Variants in BMPR1B observed in about 807,000 individuals in gnomAD.
The protein encoded by BMPR1B is bone morphogenetic protein receptor type 1B.
In BMPR1B, 12 loss-of-function variants were observed where a neutral mutation model predicts 59.1. The observed-to-expected ratio is 0.20, with a 90% confidence interval of 0.13 to 0.33. The LOEUF is 0.33. Ranked by LOEUF, BMPR1B falls within the 10% of genes least tolerant of loss-of-function variation. The probability of loss-of-function intolerance (pLI) is 1.00; values close to 1 mark genes in which losing one functional copy is unlikely to be tolerated. For missense variants in BMPR1B, 550 were observed against 610.9 expected, an observed-to-expected ratio of 0.90 and a Z score of 1.05; for synonymous variants, 237 against 207.3, an observed-to-expected ratio of 1.14 and a Z score of -1.23.
chr4:95,030,071 G>T (rs1724715503), intron 3 of BMPR1B, among the ~76,000 whole-genome samples: 1 of 151,538 alleles, frequency 6.6e-6, no homozygotes, highest in East Asian at 1.9e-4. Flanking sequence ...TAGGTTGCCT[G>T]TTCACTCTGA....
intron 11 of BMPR1B, among the ~76,000 whole-genome samples, chr4:95,150,582 A>T (rs568653061): frequency 1.3e-5 from 2 of 152,342 alleles, no homozygotes; most frequent in Non-Finnish European, 2.9e-5. Context: ...TTTCTTGAAC[A>T]TCTAAAACAA....
At chr4:94,994,279 A>G (rs985995262) in intron 2 of BMPR1B, among the ~76,000 whole-genome samples, 1 of 152,136 alleles carries the variant, frequency 6.6e-6, no homozygotes, top group African/African-American at 2.4e-5. Flanking sequence ...TCTGTCTTAC[A>G]CTCTAAGCTC....
intron 6 of BMPR1B, among the ~76,000 whole-genome samples, chr4:95,116,414 A>AGCGCGCACGCGCGCGCGCGC (rs1553939717): frequency 2.7e-5 from 2 of 74,258 alleles, no homozygotes; most frequent in African/African-American, 8.5e-5. Flanking sequence ...CCATGCTTTC[A>AGCGCGCACGCGCGCGCGCGC]GCGCGCGCAC....
At chr4:95,132,239 C>T (rs552800221) in intron 10 of BMPR1B, among the ~76,000 whole-genome samples, 8 of 152,236 alleles carry the variant, frequency 5.3e-5, no homozygotes, top group African/African-American at 1.7e-4. Flanking sequence ...GAGAAATCAT[C>T]GTATAACTAC....
chr4:94,923,198 A>G (rs1728769198), intron 2 of BMPR1B, among the ~76,000 whole-genome samples: 1 of 152,076 alleles, frequency 6.6e-6, no homozygotes, highest in South Asian at 2.1e-4. Context: ...TTTTTTATGT[A>G]CATGATGGTG....
At chr4:94,780,881 G>C (rs913985024) in intron 1 of BMPR1B, among the ~76,000 whole-genome samples, 2 of 151,604 alleles carry the variant, frequency 1.3e-5, no homozygotes, top group African/African-American at 4.8e-5. Context: ...GTAGAGATGG[G>C]GTTTCACCGT....
At chr4:95,101,868 T>C (rs1321592531) in intron 3 of BMPR1B, among the ~76,000 whole-genome samples, 2 of 152,100 alleles carry the variant, frequency 1.3e-5, no homozygotes, top group Non-Finnish European at 2.9e-5. Flanking sequence ...TGCCTGTCTT[T>C]CTGCTTTTCA....
intron 3 of BMPR1B, among the ~76,000 whole-genome samples, chr4:95,059,630 T>TAA (rs10685663): frequency 0.47 from 71,570 of 151,332 alleles, 17,329 homozygotes; most frequent in East Asian, 0.68. Context: ...CCTATTATGG[T>TAA]AAAAAAAACA....
At chr4:95,072,159 G>A (rs983884035) in intron 3 of BMPR1B, among the ~76,000 whole-genome samples, 9 of 152,086 alleles carry the variant, frequency 5.9e-5, no homozygotes, top group Non-Finnish European at 1.0e-4. Flanking sequence ...GCAGTCAGGC[G>A]GGGCTCTCTT....
rs115929227 is a variant in BMPR1B at position 94,882,382 on chromosome 4, G to A, written c.-113+6482G>A. On this transcript the variant is annotated intron_variant, in intron 2 of 12. Transcript: ENST00000515059. ...TGGAAACAAGAAACTTTTTCTCTTC[G>A]TCAAAGTTTAGCTTGAGAGTGGGGA... Among the ~76,000 whole-genome samples, 1,148 of 152,172 alleles carry A rather than the reference G, an allele frequency of 7.5e-3. 6 individuals are homozygous for A. The highest frequency in any genetic ancestry group is 0.02 in the African/African-American group (838 of 41,510).
chr4:94,902,537 A>C (rs1181151087), intron 2 of BMPR1B, among the ~76,000 whole-genome samples: 1 of 151,994 alleles, frequency 6.6e-6, no homozygotes, highest in African/African-American at 2.4e-5. Flanking sequence ...TCTTTCTGAC[A>C]AAAGTAAACA....
chr4:95,006,266 C>T (rs61018424), intron 3 of BMPR1B, among the ~76,000 whole-genome samples: 33,032 of 148,794 alleles, frequency 0.22, 4,273 homozygotes, highest in African/African-American at 0.37. Context: ...AAGGTAGGGC[C>T]GGGCGCGATG....
intron 2 of BMPR1B, among the ~76,000 whole-genome samples, chr4:94,896,429 T>C (rs1480774186): frequency 1.3e-5 from 2 of 151,974 alleles, no homozygotes; most frequent in African/African-American, 4.8e-5. Flanking sequence ...CTGAATTAAA[T>C]CTGAAAGTTG....
rs1735401525 is a variant in BMPR1B at position 95,156,099 on chromosome 4, C to T, written c.*1426C>T. 1 of 152,108 alleles carries T rather than the reference C, an allele frequency of 6.6e-6. No individual in the cohort carries two copies. Among genetic ancestry groups the T allele is most frequent in the South Asian group, 2.1e-4 (1 of 4,830 alleles). 9.4% of individuals were successfully genotyped at this position (152,108 alleles called of 1,614,324 possible). On this transcript the variant is annotated 3_prime_UTR_variant, in exon 13 of 13. Transcript: ENST00000515059. ...TCTGTGGCACTTATACAAAATATCT[C>T]TTCACCTACTTAGTTCTACAGGGTT... is the stretch of plus-strand genomic sequence containing the variant.
At chr4:95,146,363 C>G (rs1434537) in intron 10 of BMPR1B, among the ~76,000 whole-genome samples, 137,000 of 152,196 alleles carry the variant, frequency 0.9, 62,055 homozygotes, top group Middle Eastern at 0.97. Context: ...ACTATGTATA[C>G]TCCAGCTGTC....
At chr4:95,112,979 T>A (rs1731739038) in intron 4 of BMPR1B, among the ~76,000 whole-genome samples, 1 of 152,092 alleles carries the variant, frequency 6.6e-6, no homozygotes, top group African/African-American at 2.4e-5. Flanking sequence ...ATCATAAAAT[T>A]AGGATGACCA....
intron 2 of BMPR1B, among the ~76,000 whole-genome samples, chr4:94,942,278 A>G (rs1391185583): frequency 2.6e-5 from 4 of 152,260 alleles, no homozygotes; most frequent in African/African-American, 7.2e-5. Flanking sequence ...GGTCTATTAA[A>G]GTCGAGGAAA....
At chr4:94,919,920 T>C (rs770563165) in intron 2 of BMPR1B, among the ~76,000 whole-genome samples, 1 of 152,238 alleles carries the variant, frequency 6.6e-6, no homozygotes, top group Non-Finnish European at 1.5e-5. Context: ...TCGTCATTTT[T>C]CTATCATATT....
Position 95,091,649 on chromosome 4 carries a change from A to T in BMPR1B, c.-17-12759A>T, listed in dbSNP as rs191782959. ...AAAAGTGAGTAGTGGGAGAAGCTTT[A>T]TATCTCACAGAGACTGTTTTTTTTT... On this transcript the variant is annotated intron_variant, in intron 3 of 12. Coordinates refer to ENST00000515059, the MANE Select transcript of BMPR1B (RefSeq NM_001203.3). 4,945 of 984,780 alleles carry T rather than the reference A, an allele frequency of 5.0e-3. 145 individuals carry two copies. The African/African-American group carries it at 0.069, about 14-fold the overall frequency. 61.0% of individuals were successfully genotyped at this position (984,780 alleles called of 1,614,324 possible).
Sources: gnomAD v4.1 joint callset for allele counts (sites outside exome capture counted in the v4.1 genomes callset) on GRCh38, gnomAD v4.1.1 for gene constraint, MANE v1.5 for transcripts, NCBI Gene and HGNC (gene_info 2026-07-23, HGNC 2026-07-21) for gene names.